The following PTPRN2 variants were observed in gnomAD, a reference collection of about 807,000 sequenced individuals.
The protein encoded by PTPRN2 is protein tyrosine phosphatase receptor type N2, also known as receptor-type tyrosine-protein phosphatase N2.
A neutral mutation model predicts 118.8 loss-of-function variants in PTPRN2; 74 were observed. That is an observed-to-expected ratio of 0.62 (90% confidence interval 0.52 to 0.76). PTPRN2 has a LOEUF of 0.76. Ranked by LOEUF, PTPRN2 falls within the 30% of genes least tolerant of loss-of-function variation. The pLI, the probability that PTPRN2 is intolerant of heterozygous loss-of-function variation, is 0.00. For synonymous variants in PTPRN2, 641 were observed against 608.0 expected (o/e 1.05, Z -0.80); for missense variants, 1,481 against 1,394.4 (o/e 1.06, Z -0.99).
intron 6 of PTPRN2, among the ~76,000 whole-genome samples, chr7:158,151,054 ACAC>A (rs1820992500): frequency 6.7e-6 from 1 of 149,668 alleles, no homozygotes; most frequent in African/African-American, 2.5e-5. Flanking sequence ...CTGCCTGCCC[ACAC>A]TGCCCGCCTT....
intron 6 of PTPRN2, among the ~76,000 whole-genome samples, chr7:158,150,725 T>A (rs529750732): frequency 1.3e-5 from 2 of 152,036 alleles, no homozygotes; most frequent in South Asian, 4.2e-4. Context: ...ATCATGGTGA[T>A]CTGCAAAGCT....
In PTPRN2 at chr7:158,565,006, G is replaced by A. The variant is rs779470344; in HGVS notation, c.112+22552C>T. On this transcript the variant is annotated intron_variant, in intron 1 of 22. Coordinates refer to ENST00000389418, the MANE Select transcript of PTPRN2 (RefSeq NM_002847.5). This position sits in a 1 kb window ranked among gnomAD's most constrained non-coding sequence, Gnocchi z 4.6. Reference sequence around the variant, plus strand: ...CTGCGCAGGCCCTGCCCCACGTAACGGCTTTACACAAACTCTAAAAAGTCA... The same window carrying A: ...CTGCGCAGGCCCTGCCCCACGTAACAGCTTTACACAAACTCTAAAAAGTCA... Among the ~76,000 whole-genome samples the A allele has an allele frequency of 1.3e-5, 2 of 152,174 alleles. No homozygotes were observed. Among genetic ancestry groups the A allele is most frequent in the African/African-American group, 2.4e-5 (1 of 41,436 alleles).
intron 12 of PTPRN2, among the ~76,000 whole-genome samples, chr7:157,805,010 C>T (rs1163825752): frequency 3.9e-5 from 6 of 152,188 alleles, no homozygotes; most frequent in Non-Finnish European, 2.9e-5. Flanking sequence ...GCTGCCTCAG[C>T]GTGGGGTGGG....
chr7:157,553,784 A>G (rs1340205679), intron 21 of PTPRN2, among the ~76,000 whole-genome samples: 1 of 152,208 alleles, frequency 6.6e-6, no homozygotes, highest in East Asian at 1.9e-4. Flanking sequence ...TCTGCTGTGG[A>G]CGGCTCCTGC....
At chr7:157,900,136 C>A (rs976502517) in intron 11 of PTPRN2, among the ~76,000 whole-genome samples, 1 of 152,200 alleles carries the variant, frequency 6.6e-6, no homozygotes, top group Non-Finnish European at 1.5e-5. Context: ...GCAGCCCCAG[C>A]CCATAGTAAT....
intron 1 of PTPRN2, among the ~76,000 whole-genome samples, chr7:158,493,376 T>C (rs933876560): frequency 2.6e-4 from 36 of 136,552 alleles, no homozygotes; most frequent in African/African-American, 1.0e-3. Flanking sequence ...CATACACACA[T>C]GCACACACTC....
At chr7:158,288,476 T>A (rs1053940427) in intron 3 of PTPRN2, among the ~76,000 whole-genome samples, 9 of 152,208 alleles carry the variant, frequency 5.9e-5, no homozygotes, top group African/African-American at 2.2e-4. Context: ...GCTTTGTAGT[T>A]ACCATGAGGC....
intron 3 of PTPRN2, among the ~76,000 whole-genome samples, chr7:158,205,618 A>G (rs1827070481): frequency 6.6e-6 from 1 of 152,172 alleles, no homozygotes; most frequent in Non-Finnish European, 1.5e-5. Context: ...ATACGAACCA[A>G]ATTTCAGGTG....
At chr7:158,222,683 C>T (rs927094131) in intron 3 of PTPRN2, among the ~76,000 whole-genome samples, 8 of 152,086 alleles carry the variant, frequency 5.3e-5, no homozygotes, top group African/African-American at 1.9e-4. Context: ...ACAATTCACC[C>T]ATGCATATGT....
At chr7:158,124,783 C>T (rs1490178076) in intron 9 of PTPRN2, among the ~76,000 whole-genome samples, 1 of 152,168 alleles carries the variant, frequency 6.6e-6, no homozygotes, top group Non-Finnish European at 1.5e-5. Context: ...TCAGCCTGGG[C>T]CACGCTGGGG....
At chr7:158,497,683 T>G (rs561035958) in intron 1 of PTPRN2, among the ~76,000 whole-genome samples, 1 of 152,270 alleles carries the variant, frequency 6.6e-6, no homozygotes, top group East Asian at 1.9e-4. Context: ...CCCAAAACAG[T>G]TATTAAGTGG....
intron 1 of PTPRN2, among the ~76,000 whole-genome samples, chr7:158,582,568 AT>A (rs1187395559): frequency 1.3e-5 from 2 of 151,820 alleles, no homozygotes; most frequent in Non-Finnish European, 2.9e-5. Context: ...AAAAAAAAAA[AT>A]TCATTTTTAA....
At chr7:158,306,644 G>GCAACAA (rs568049984) in intron 3 of PTPRN2, among the ~76,000 whole-genome samples, 2 of 151,950 alleles carry the variant, frequency 1.3e-5, no homozygotes, top group Non-Finnish European at 2.9e-5. Context: ...ACAATAAACA[G>GCAACAA]CAACAACAAC....
intron 1 of PTPRN2, among the ~76,000 whole-genome samples, chr7:158,530,657 G>A (rs1020207770): frequency 6.6e-6 from 1 of 152,258 alleles, no homozygotes; most frequent in Non-Finnish European, 1.5e-5. Flanking sequence ...GTGTGCCCAT[G>A]TGAGGTGTAT....
At position 158,565,188 on chromosome 7, in the gene PTPRN2, G is replaced by C. The variant is rs1563439668; in HGVS notation, c.112+22370C>G. On this transcript the variant is annotated intron_variant, in intron 1 of 22. Transcript: ENST00000389418. The surrounding 1 kb of genome is among the most constrained non-coding windows in gnomAD (Gnocchi z 4.6). The stretch of plus-strand genomic sequence containing the variant: ...ACAGTCCGTGCTACATCAGATCTGA[G>C]TATCAGGATCCAGCCGTATTTGACT... Among the ~76,000 whole-genome samples, 1 of 152,196 alleles carries C rather than the reference G, an allele frequency of 6.6e-6. No homozygotes were observed. Among genetic ancestry groups the C allele is most frequent in the Non-Finnish European group, 1.5e-5 (1 of 68,048 alleles).
rs1827526292 is a variant in PTPRN2, at chr7:158,563,851, TGCATA to T, written c.112+23702_112+23706del. Among the ~76,000 whole-genome samples the T allele has an allele frequency of 6.6e-6, 1 of 152,282 alleles. No individual in the cohort carries two copies. The highest frequency in any genetic ancestry group is 2.4e-5 in the African/African-American group (1 of 41,478). On this transcript the variant is annotated intron_variant, in intron 1 of 22. Coordinates refer to ENST00000389418, the MANE Select transcript of PTPRN2 (RefSeq NM_002847.5). This position sits in a 1 kb window ranked among gnomAD's most constrained non-coding sequence, Gnocchi z 5.1. ...TGGTCTTTTCTGTTTATAGGATCTA[TGCATA>T]GCATATATTTCTAAGATTGGGGTCA...
rs565343478 is a variant in PTPRN2 at position 157,876,086 on chromosome 7, T to C, written c.1788+22587A>G. 3.9e-5 allele frequency among the ~76,000 whole-genome samples: 6 copies of C among 152,340 alleles called. No individual in the cohort carries two copies. The South Asian group carries it at 1.2e-3, about 32-fold the overall frequency. On this transcript the variant is annotated intron_variant, in intron 12 of 22. Coordinates refer to ENST00000389418, the MANE Select transcript of PTPRN2 (RefSeq NM_002847.5). ...ATCTGGGGCAGCACCTGCAGCTCCT[T>C]GGACAGTGTCAGAATTCACGACTCC...
chr7:157,942,620 A>C lies in PTPRN2; in HGVS notation c.1724-43883T>G, dbSNP rs143849122. On this transcript the variant is annotated intron_variant, in intron 11 of 22. Coordinates refer to ENST00000389418, the MANE Select transcript of PTPRN2 (RefSeq NM_002847.5). The stretch of plus-strand genomic sequence containing the variant: ...ATGACTCCACCAGCTCCAGACCCCA[A>C]CTTCTCCGCGTTCACCTGTACATCG... 4.7e-3 allele frequency among the ~76,000 whole-genome samples: 710 copies of C among 152,086 alleles called. 9 individuals are homozygous for C. Among genetic ancestry groups the C allele is most frequent in the African/African-American group, 0.016 (681 of 41,474 alleles).
intron 5 of PTPRN2, among the ~76,000 whole-genome samples, chr7:158,191,721 C>G (rs1219384805): frequency 6.6e-6 from 1 of 152,154 alleles, no homozygotes; most frequent in Non-Finnish European, 1.5e-5. Flanking sequence ...CCCACTCGCC[C>G]TGCATAAACA....
Sources: gnomAD v4.1 joint callset for allele counts (sites outside exome capture counted in the v4.1 genomes callset) on GRCh38, gnomAD v4.1.1 for gene constraint, Gnocchi (gnomAD v3.1) non-coding constraint, MANE v1.5 for transcripts, NCBI Gene and HGNC (gene_info 2026-07-23, HGNC 2026-07-21) for gene names.